ADK: variants seen among roughly 807,000 people sequenced by gnomAD.
ADK encodes the protein N6,N6-dimethyladenosine kinase.
ADK carries 24 observed loss-of-function variants against 44.7 expected under a neutral mutation model. The observed-to-expected ratio is 0.54, with a 90% CI of 0.39 to 0.76. ADK has a LOEUF of 0.76. Among genes scored for constraint, ADK ranks in the 30% least tolerant of loss-of-function variants. The pLI, the probability that ADK is intolerant of heterozygous loss-of-function variation, is 0.00. For missense variants in ADK, 321 were observed against 425.1 expected (o/e 0.76, Z 2.15); for synonymous variants, 128 against 142.6 (o/e 0.90, Z 0.73).
rs1288387762 is a variant in ADK at position 74,151,328 on chromosome 10, C to A, written c.50C>A (p.Ala17Glu). 3 of 1,549,442 alleles carry A rather than the reference C, an allele frequency of 1.9e-6. No homozygotes were observed. The highest frequency in any genetic ancestry group is 3.9e-5 in the Admixed American group (2 of 50,976). ...AAGCCCAAAAAGCTGAAGGTGGAGGCGCCGCAAGCGCTGAGGTGAGCGCTG... is the reference window on the plus strand; with the variant it reads ...AAGCCCAAAAAGCTGAAGGTGGAGGAGCCGCAAGCGCTGAGGTGAGCGCTG... Reference protein sequence around the residue: ...EPKPKKLKVEAPQALRENILF... With the variant: ...EPKPKKLKVEEPQALRENILF... The change falls in exon 1 of 11, where the codon GCG becomes GAG. Residue 17 changes from alanine (A) to glutamate (E), a missense_variant. Ala to Glu is a moderately radical substitution (Grantham distance 107, BLOSUM62 -1). Coordinates refer to ENST00000539909, the MANE Select transcript of ADK (RefSeq NM_006721.4).
chr10:74,464,493 G>A (rs1304792800), intron 6 of ADK, among the ~76,000 whole-genome samples: 1 of 152,086 alleles, frequency 6.6e-6, no homozygotes, highest in Non-Finnish European at 1.5e-5. Flanking sequence ...CTGGAAGGTC[G>A]AGGTTGCAGG....
At chr10:74,338,051 C>T (rs546911144) in intron 4 of ADK, among the ~76,000 whole-genome samples, 278 of 152,094 alleles carry the variant, frequency 1.8e-3, no homozygotes, top group Non-Finnish European at 3.4e-3. Context: ...GCTGGGATTA[C>T]AGGCATGAGC....
intron 6 of ADK, among the ~76,000 whole-genome samples, chr10:74,450,916 G>A (rs1845748484): frequency 6.6e-6 from 1 of 151,726 alleles, no homozygotes; most frequent in Non-Finnish European, 1.5e-5. Context: ...GTAGGCCATT[G>A]GTCTGTTAAT....
chr10:74,327,926 T>G (rs1224943584), intron 4 of ADK, among the ~76,000 whole-genome samples: 1 of 152,212 alleles, frequency 6.6e-6, no homozygotes, highest in African/African-American at 2.4e-5. Context: ...AATTTTTTTC[T>G]GAGATACAGT....
intron 9 of ADK, among the ~76,000 whole-genome samples, chr10:74,617,666 G>A (rs1852827822): frequency 2.6e-5 from 4 of 152,016 alleles, no homozygotes; most frequent in African/African-American, 9.7e-5. Flanking sequence ...TGCTCTCCAG[G>A]CTCACTGCAG....
At chr10:74,498,975 T>C (rs1012830750) in intron 6 of ADK, among the ~76,000 whole-genome samples, 2 of 152,248 alleles carry the variant, frequency 1.3e-5, no homozygotes, top group African/African-American at 4.8e-5. Context: ...CTCTACATTT[T>C]ATGCTTGGAC....
intron 3 of ADK, among the ~76,000 whole-genome samples, chr10:74,270,938 T>A: frequency 6.6e-6 from 1 of 152,138 alleles, no homozygotes; most frequent in Non-Finnish European, 1.5e-5. Flanking sequence ...TGTACATAGA[T>A]CATTAAGAAG....
chr10:74,223,518 A>T (rs1591886362), intron 2 of ADK, among the ~76,000 whole-genome samples: 1 of 152,194 alleles, frequency 6.6e-6, no homozygotes, highest in South Asian at 2.1e-4. Flanking sequence ...AAATGGACCT[A>T]TGATCCATTT....
intron 1 of ADK, among the ~76,000 whole-genome samples, chr10:74,173,684 C>G (rs975406778): frequency 6.6e-6 from 1 of 152,122 alleles, no homozygotes; most frequent in Non-Finnish European, 1.5e-5. Flanking sequence ...CTGCCTCAGC[C>G]TCCCAAAGTG....
intron 7 of ADK, among the ~76,000 whole-genome samples, chr10:74,558,856 C>G (rs1850357927): frequency 6.6e-6 from 1 of 152,184 alleles, no homozygotes; most frequent in Non-Finnish European, 1.5e-5. Flanking sequence ...TGATTTTACC[C>G]TAGTGAGGCC....
At chr10:74,363,036 G>A (rs563183569) in intron 4 of ADK, among the ~76,000 whole-genome samples, 3 of 152,330 alleles carry the variant, frequency 2.0e-5, no homozygotes, top group Admixed American at 1.3e-4. Context: ...GGAATCTACT[G>A]TGGAAAGGAG....
At chr10:74,634,402 T>G (rs1048913086) in intron 9 of ADK, among the ~76,000 whole-genome samples, 19 of 151,936 alleles carry the variant, frequency 1.3e-4, no homozygotes, top group African/African-American at 4.1e-4. Context: ...CTATTTTTAG[T>G]GGAGACGGGG....
chr10:74,512,406 T>TC (rs1208013069), intron 6 of ADK, among the ~76,000 whole-genome samples: 1 of 151,058 alleles, frequency 6.6e-6, no homozygotes, highest in Non-Finnish European at 1.5e-5. Context: ...TCTGGACTTT[T>TC]TTTTTTTTTT....
At chr10:74,296,816 G>A (rs1055019115) in intron 3 of ADK, among the ~76,000 whole-genome samples, 24 of 151,692 alleles carry the variant, frequency 1.6e-4, no homozygotes, top group Non-Finnish European at 2.5e-4. Flanking sequence ...GGGTTTCTCC[G>A]TGTTAGCCAG....
intron 1 of ADK, among the ~76,000 whole-genome samples, chr10:74,161,729 G>A (rs184294072): frequency 1.3e-5 from 2 of 151,208 alleles, no homozygotes; most frequent in African/African-American, 2.4e-5. Flanking sequence ...TTGAGATGAG[G>A]GGGTCTTGCT....
chr10:74,280,218 T>C (rs1846872987), intron 3 of ADK, among the ~76,000 whole-genome samples: 1 of 152,102 alleles, frequency 6.6e-6, no homozygotes, highest in African/African-American at 2.4e-5. Flanking sequence ...TTCTCCTGCC[T>C]CAGCCTCCCA....
intron 6 of ADK, among the ~76,000 whole-genome samples, chr10:74,408,588 T>G (rs899934940): frequency 2.0e-5 from 3 of 152,070 alleles, no homozygotes; most frequent in Admixed American, 1.3e-4. Flanking sequence ...CCTTCGAAAA[T>G]CCACATACAA....
chr10:74,642,366 T>TC (rs1314780036), intron 9 of ADK, among the ~76,000 whole-genome samples: 6 of 151,486 alleles, frequency 4.0e-5, no homozygotes, highest in Non-Finnish European at 8.8e-5. Context: ...TCAATTTTTT[T>TC]TTTTTTTTTT....
At chr10:74,393,096 C>G (rs996748199) in intron 4 of ADK, among the ~76,000 whole-genome samples, 2 of 152,076 alleles carry the variant, frequency 1.3e-5, no homozygotes, top group Admixed American at 1.3e-4. Context: ...GTTACTATGT[C>G]TCATTCTTAC....
Sources: allele counts gnomAD v4.1 joint callset (sites outside exome capture counted in the v4.1 genomes callset), GRCh38; gene constraint gnomAD v4.1.1; transcripts MANE v1.5; gene names NCBI Gene and HGNC (gene_info 2026-07-23, HGNC 2026-07-21).